Variants in ESRRG observed in about 807,000 individuals in gnomAD.
The protein encoded by ESRRG is estrogen related receptor gamma.
A neutral mutation model predicts 44.0 loss-of-function variants in ESRRG; 13 were observed. The observed-to-expected ratio is 0.30, with a 90% confidence interval of 0.19 to 0.47. The LOEUF is 0.47. Ranked by LOEUF, ESRRG falls within the 20% of genes least tolerant of loss-of-function variation. The pLI is 1.00. For missense variants in ESRRG, 395 were observed against 580.6 expected (o/e 0.68, Z 3.29); for synonymous variants, 215 against 214.6 (o/e 1.00, Z -0.02).
intron 2 of ESRRG, among the ~76,000 whole-genome samples, chr1:216,795,051 G>A (rs2094435851): frequency 6.6e-6 from 1 of 152,020 alleles, no homozygotes; most frequent in Non-Finnish European, 1.5e-5. Context: ...ACTGAATGGG[G>A]TGGTACAAAA....
At chr1:216,868,328 G>A (rs1227894761) in intron 2 of ESRRG, among the ~76,000 whole-genome samples, 1 of 151,816 alleles carries the variant, frequency 6.6e-6, no homozygotes, top group Admixed American at 6.6e-5. Context: ...TCTCAGTTGA[G>A]CCACCCACCT....
At chr1:216,901,184 C>G (rs950188176) in intron 2 of ESRRG, among the ~76,000 whole-genome samples, 6 of 151,932 alleles carry the variant, frequency 3.9e-5, no homozygotes, top group Non-Finnish European at 5.9e-5. Context: ...GTGGGGGTGA[C>G]AGGATGGGTA....
chr1:216,959,343 G>GA (rs35910013), intron 1 of ESRRG, among the ~76,000 whole-genome samples: 103 of 151,434 alleles, frequency 6.8e-4, no homozygotes, highest in Admixed American at 4.0e-4. Flanking sequence ...CTATTTAAAA[G>GA]AAAAAAAAAC....
At chr1:216,801,662 G>GTT (rs578257984) in intron 2 of ESRRG, among the ~76,000 whole-genome samples, 91 of 152,174 alleles carry the variant, frequency 6.0e-4, no homozygotes, top group Admixed American at 9.2e-4. Flanking sequence ...TGTCATTGTG[G>GTT]TTTCGATTTG....
At chr1:217,076,433 G>A (rs560401132) in intron 1 of ESRRG, among the ~76,000 whole-genome samples, 16 of 152,222 alleles carry the variant, frequency 1.1e-4, no homozygotes, top group African/African-American at 2.9e-4. Context: ...CATTTTTCTC[G>A]GTTGAAGGCA....
intron 2 of ESRRG, among the ~76,000 whole-genome samples, chr1:216,757,065 C>T (rs11572644): frequency 1.3e-5 from 2 of 151,988 alleles, no homozygotes; most frequent in Non-Finnish European, 2.9e-5. Context: ...ACTCCTATCT[C>T]AGGTTGTCAT....
chr1:216,993,761 C>A (rs1289384296), intron 1 of ESRRG, among the ~76,000 whole-genome samples: 1 of 152,176 alleles, frequency 6.6e-6, no homozygotes, highest in Admixed American at 6.5e-5. Flanking sequence ...AGAGATTGCG[C>A]TCACTCTGGC....
At chr1:216,550,596 C>T (rs561611557) in intron 5 of ESRRG, among the ~76,000 whole-genome samples, 8 of 152,118 alleles carry the variant, frequency 5.3e-5, no homozygotes, top group South Asian at 2.1e-4. Flanking sequence ...CAAGTATGGA[C>T]GCAACATGGA....
chr1:216,848,692 C>A lies in ESRRG; in HGVS notation c.-14+90890G>T, dbSNP rs546779203. 3.9e-5 allele frequency among the ~76,000 whole-genome samples: 6 copies of A among 152,130 alleles called. No individual in the cohort carries two copies. In the South Asian group the frequency reaches 8.3e-4, roughly 21 times the overall value. On this transcript the variant is annotated intron_variant, in intron 2 of 7. Transcript: ENST00000359162. ...GGAAATGTTGCCTACCAATTTGCAG[C>A]AAAGCTCATATTTACTATATTTAGT...
intron 1 of ESRRG, among the ~76,000 whole-genome samples, chr1:217,059,868 A>T (rs1458248223): frequency 1.3e-5 from 2 of 152,130 alleles, no homozygotes; most frequent in African/African-American, 4.8e-5. Flanking sequence ...GAGGAACTTA[A>T]TGATTAAAAG....
chr1:216,923,211 C>T (rs369414302), intron 2 of ESRRG, among the ~76,000 whole-genome samples: 128 of 152,306 alleles, frequency 8.4e-4, no homozygotes, highest in African/African-American at 2.9e-3. Context: ...GGTCTCAAAG[C>T]GCTGAGCTAC....
chr1:217,043,047 C>T (rs944229150), intron 1 of ESRRG, among the ~76,000 whole-genome samples: 2 of 152,124 alleles, frequency 1.3e-5, no homozygotes, highest in African/African-American at 4.8e-5. Flanking sequence ...CCTATTTTTC[C>T]TTTTGCTTCC....
intron 1 of ESRRG, among the ~76,000 whole-genome samples, chr1:217,114,146 T>C (rs543311884): frequency 2.6e-4 from 39 of 152,170 alleles, no homozygotes; most frequent in African/African-American, 8.4e-4. Context: ...TTACTGTTAG[T>C]TTGATATATG....
At chr1:216,682,555 G>A (rs2077201418) in intron 1 of ESRRG, among the ~76,000 whole-genome samples, 1 of 152,094 alleles carries the variant, frequency 6.6e-6, no homozygotes, top group Non-Finnish European at 1.5e-5. Context: ...TTCAGGGACA[G>A]AAAAGAAGGT....
At chr1:216,742,429 T>G (rs955026193) in intron 2 of ESRRG, among the ~76,000 whole-genome samples, 1 of 152,144 alleles carries the variant, frequency 6.6e-6, no homozygotes, top group Non-Finnish European at 1.5e-5. Flanking sequence ...ATCATGTTTC[T>G]CCAATAGAAT....
chr1:216,556,980 G>C (rs11572789), intron 5 of ESRRG, among the ~76,000 whole-genome samples: 2,049 of 152,238 alleles, frequency 0.013, 22 homozygotes, highest in Non-Finnish European at 0.022. Flanking sequence ...GTCAAGTCTT[G>C]CACAACTACT....
In ESRRG at chr1:216,803,964, G is replaced by GT. The variant is rs202092666; in HGVS notation, c.-13-126474dup. ...AACTGGCCAAAAGGTTCTAACACAG[G>GT]TTAATCTGCCAGTACCTCTCTCCCT... On this transcript the variant is annotated intron_variant, in intron 2 of 7. Transcript: ENST00000359162. Among the ~76,000 whole-genome samples, 1,487 of 151,758 alleles carry GT rather than the reference G, an allele frequency of 9.8e-3. 26 individuals carry two copies. Among genetic ancestry groups the GT allele is most frequent in the African/African-American group, 0.034 (1,403 of 41,340 alleles).
rs553364135 is a variant in ESRRG at position 216,677,146 on chromosome 1, G to A, written c.402C>T (p.Ile134=). Residue 134 remains isoleucine, a synonymous_variant, in exon 2 of 7, where the codon ATC becomes ATT. Coordinates refer to ENST00000408911, the MANE Select transcript of ESRRG (RefSeq NM_001438.4). ...CTACCCCATAGTGGTACCCAGAAGC[G>A]ATGTCACCACACACTAAACACAGTC... ...PKRLCLVCGD[I]ASGYHYGVAS... The A allele has an allele frequency of 4.3e-4, 696 of 1,613,932 alleles. 8 individuals carry two copies. In the South Asian group the frequency reaches 7.2e-3, roughly 17 times the overall value.
chr1:216,956,004 G>A (rs560170504), intron 1 of ESRRG, among the ~76,000 whole-genome samples: 2 of 152,190 alleles, frequency 1.3e-5, no homozygotes, highest in African/African-American at 4.8e-5. Flanking sequence ...TTTACAGGTT[G>A]TCTTTTGACT....
Sources: allele counts gnomAD v4.1 joint callset (sites outside exome capture counted in the v4.1 genomes callset), GRCh38; gene constraint gnomAD v4.1.1; transcripts MANE v1.5; gene names NCBI Gene and HGNC (gene_info 2026-07-23, HGNC 2026-07-21).